PLD5: variants seen among roughly 807,000 people sequenced by gnomAD.
The protein encoded by PLD5 is inactive phospholipase D5.
A neutral mutation model predicts 61.1 loss-of-function variants in PLD5; 36 were observed. That is an observed-to-expected ratio of 0.59 (90% CI 0.45 to 0.78). The LOEUF (loss-of-function observed/expected upper bound fraction) is 0.78. Among genes scored for constraint, PLD5 ranks in the 30% least tolerant of loss-of-function variants. The pLI is 0.00. For missense variants in PLD5, 515 were observed against 644.4 expected, an observed-to-expected ratio of 0.80 and a Z score of 2.17; for synonymous variants, 243 against 242.8, an observed-to-expected ratio of 1.00 and a Z score of -0.01.
intron 1 of PLD5, among the ~76,000 whole-genome samples, chr1:242,433,119 C>T (rs547018580): frequency 1.8e-4 from 27 of 152,180 alleles, no homozygotes; most frequent in Admixed American, 3.9e-4. Flanking sequence ...CTGTATTCTG[C>T]AGGAATGGGG....
At chr1:242,399,483 C>G (rs985833791) in intron 1 of PLD5, among the ~76,000 whole-genome samples, 3 of 152,088 alleles carry the variant, frequency 2.0e-5, no homozygotes, top group Non-Finnish European at 4.4e-5. Flanking sequence ...ATTAAGCAAG[C>G]GTATTCATTC....
intron 4 of PLD5, among the ~76,000 whole-genome samples, chr1:242,248,415 T>C (rs1246180468): frequency 6.6e-6 from 1 of 152,018 alleles, no homozygotes; most frequent in Non-Finnish European, 1.5e-5. Context: ...CTGCATGTTC[T>C]GCACATGTAT....
intron 3 of PLD5, among the ~76,000 whole-genome samples, chr1:242,268,993 C>T (rs1380785201): frequency 6.6e-6 from 1 of 152,094 alleles, no homozygotes; most frequent in African/African-American, 2.4e-5. Flanking sequence ...CAGGCACCTG[C>T]CACCATGATC....
At chr1:242,422,096 G>T (rs1372207462) in intron 1 of PLD5, among the ~76,000 whole-genome samples, 1 of 152,182 alleles carries the variant, frequency 6.6e-6, no homozygotes, top group Non-Finnish European at 1.5e-5. Flanking sequence ...TTATGAGTAA[G>T]CCTGTCCCTT....
chr1:242,335,783 T>C (rs1039393176), intron 2 of PLD5, among the ~76,000 whole-genome samples: 1 of 152,172 alleles, frequency 6.6e-6, no homozygotes, highest in African/African-American at 2.4e-5. Flanking sequence ...ATTTTCAATG[T>C]TCTATGAAGG....
chr1:242,249,355 G>C (rs1329437772), intron 4 of PLD5, among the ~76,000 whole-genome samples: 2 of 152,114 alleles, frequency 1.3e-5, no homozygotes, highest in African/African-American at 4.8e-5. Flanking sequence ...GTACATCCTA[G>C]CCTTCAGAAT....
At chr1:242,377,548 A>G (rs1662033880) in intron 1 of PLD5, 1 of 559,212 alleles carries the variant, frequency 1.8e-6, no homozygotes, top group Non-Finnish European at 3.2e-6. Flanking sequence ...AAGCAATACG[A>G]TTTCATACTC....
At chr1:242,109,809 C>T (rs1451273459) in intron 7 of PLD5, among the ~76,000 whole-genome samples, 3 of 151,862 alleles carry the variant, frequency 2.0e-5, no homozygotes, top group Admixed American at 2.0e-4. Context: ...AGCTGTGCCG[C>T]GGGGCTCTTT....
intron 4 of PLD5, among the ~76,000 whole-genome samples, chr1:242,247,255 T>G (rs535551888): frequency 1.3e-5 from 2 of 152,336 alleles, no homozygotes; most frequent in East Asian, 3.9e-4. Flanking sequence ...GTGCTGGGAT[T>G]ACAGGCGTGA....
chr1:242,440,693 C>CT (rs1292235618), intron 1 of PLD5, among the ~76,000 whole-genome samples: 1 of 152,232 alleles, frequency 6.6e-6, no homozygotes, highest in Non-Finnish European at 1.5e-5. Context: ...CCTTGAGAGA[C>CT]TCATCCACAG....
chr1:242,321,766 C>T (rs1218772376), intron 2 of PLD5, among the ~76,000 whole-genome samples: 3 of 152,192 alleles, frequency 2.0e-5, no homozygotes, highest in African/African-American at 7.2e-5. Context: ...TTGGGGTAAT[C>T]ACTCTGTGAT....
chr1:242,238,945 G>A (rs1671818409), intron 4 of PLD5, among the ~76,000 whole-genome samples: 1 of 152,106 alleles, frequency 6.6e-6, no homozygotes, highest in Non-Finnish European at 1.5e-5. Flanking sequence ...AAGGCTTGTA[G>A]CATATCCCAG....
chr1:242,139,148 G>A (rs974728064), intron 5 of PLD5, among the ~76,000 whole-genome samples: 2 of 152,168 alleles, frequency 1.3e-5, no homozygotes, highest in East Asian at 1.9e-4. Flanking sequence ...TTCAAAACTT[G>A]TCAGTAACCC....
At chr1:242,120,480 T>G (rs889257463) in intron 6 of PLD5, among the ~76,000 whole-genome samples, 4 of 151,946 alleles carry the variant, frequency 2.6e-5, no homozygotes, top group Non-Finnish European at 4.4e-5. Flanking sequence ...AAGGGTAAAT[T>G]TTATGGTGTG....
intron 5 of PLD5, among the ~76,000 whole-genome samples, chr1:242,177,504 T>C (rs1667240095): frequency 6.6e-6 from 1 of 152,112 alleles, no homozygotes; most frequent in South Asian, 2.1e-4. Flanking sequence ...CCATGGCACG[T>C]GTGTACCTAT....
chr1:242,481,322 G>T (rs577279329), intron 1 of PLD5, among the ~76,000 whole-genome samples: 6 of 152,338 alleles, frequency 3.9e-5, no homozygotes, highest in South Asian at 4.1e-4. Context: ...AAGGAAAGGG[G>T]TGACAGACCG....
intron 2 of PLD5, among the ~76,000 whole-genome samples, chr1:242,334,929 C>G (rs1397675509): frequency 6.6e-6 from 1 of 152,176 alleles, no homozygotes; most frequent in Non-Finnish European, 1.5e-5. Flanking sequence ...GCTCAAAACT[C>G]TTTTTCTTTG....
intron 4 of PLD5, among the ~76,000 whole-genome samples, chr1:242,230,362 G>T (rs761634932): frequency 2.0e-5 from 3 of 152,024 alleles, no homozygotes; most frequent in Admixed American, 2.0e-4. Flanking sequence ...TATATCAAAG[G>T]GAAACATAAC....
chr1:242,343,045 A>G (rs1659931009), intron 2 of PLD5, among the ~76,000 whole-genome samples: 1 of 152,192 alleles, frequency 6.6e-6, no homozygotes. Context: ...ATGAATCAGA[A>G]TGGGAATCTT....
Sources: allele counts gnomAD v4.1 joint callset (sites outside exome capture counted in the v4.1 genomes callset), GRCh38; gene constraint gnomAD v4.1.1; transcripts MANE v1.5; gene names NCBI Gene and HGNC (gene_info 2026-07-23, HGNC 2026-07-21).